The following PIEZO1 variants were observed in gnomAD, a reference collection of about 807,000 sequenced individuals.
PIEZO1 encodes the protein piezo-type mechanosensitive ion channel component 1.
A neutral mutation model predicts 297.2 loss-of-function variants in PIEZO1; 296 were observed. That is an observed-to-expected ratio of 1.00 (90% CI 0.91 to 1.10). The LOEUF (loss-of-function observed/expected upper bound fraction) is 1.10. PIEZO1 is among the 50% of genes least tolerant of loss of function. PIEZO1 has a pLI of 0.00. For missense variants in PIEZO1, 5,018 were observed against 3,455.5 expected (o/e 1.45, Z -11.34); for synonymous variants, 2,427 against 1,507.5 (o/e 1.61, Z -14.13).
At chr16:88,758,282 G>A (rs1906770147) in intron 1 of PIEZO1, among the ~76,000 whole-genome samples, 1 of 152,022 alleles carries the variant, frequency 6.6e-6, no homozygotes. Context: ...CCACCACTCT[G>A]GGTTAAGTGT....
intron 26 of PIEZO1, 43 bp from the exon 27 acceptor site, chr16:88,726,498 A>C: frequency 6.5e-7 from 1 of 1,546,648 alleles, no homozygotes; most frequent in Non-Finnish European, 8.7e-7. Context: ...AGGGCCCAGG[A>C]GCAGGGGGCT....
intron 5 of PIEZO1, chr16:88,739,950 T>C (rs530195233): frequency 6.6e-6 from 1 of 151,914 alleles, no homozygotes; most frequent in African/African-American, 2.4e-5. Context: ...AGAGAACAGG[T>C]GTGAGGCCAC....
rs561567538 is a variant in PIEZO1, at chr16:88,742,146, G to T, written c.284-51C>A. 2.5e-5 allele frequency: 39 copies of T among 1,530,774 alleles called. No individual in the cohort carries two copies. In the African/African-American group the frequency reaches 5.2e-4, roughly 20 times the overall value. 94.8% of individuals were successfully genotyped at this position (1,530,774 alleles called of 1,614,324 possible). A position where few individuals can be genotyped will look rare whatever the true frequency, so the allele number is the denominator to read the frequency against. On this transcript the variant is annotated intron_variant, in intron 3 of 50. Coordinates refer to ENST00000301015, the MANE Select transcript of PIEZO1 (RefSeq NM_001142864.4). ...GGTCAGGCTCTGCCCAGCCAGCACC[G>T]TGGCCTGGTCATCCCTGGAGCGTTT...
At position 88,715,940 on chromosome 16, in the gene PIEZO1, C is replaced by T. The variant is rs897196545; in HGVS notation, c.7309G>A (p.Gly2437Ser). The part of the protein sequence containing the change: ...VSPPSLGFLA[G>S]YGIMGLYVSI... ...CCCCAGCCACTCACTCACCCGTAGC[C>T]AGCCAGGAAGCCGAGGCTCGGTGGG... The change falls in exon 50 of 51, where the codon GGC becomes AGC. Residue 2437 changes from glycine (G) to serine (S), a missense_variant. Gly to Ser is a moderately conservative substitution (Grantham distance 56). Coordinates refer to ENST00000301015, the MANE Select transcript of PIEZO1 (RefSeq NM_001142864.4). 6.5e-7 allele frequency: 1 copy of T among 1,549,372 alleles called. No individual in the cohort carries two copies. The highest frequency in any genetic ancestry group is 1.4e-5 in the African/African-American group (1 of 73,138).
intron 1 of PIEZO1, among the ~76,000 whole-genome samples, chr16:88,778,564 C>T (rs1218572183): frequency 2.6e-5 from 4 of 152,178 alleles, no homozygotes; most frequent in South Asian, 4.1e-4. Flanking sequence ...CCACGCACGT[C>T]GGCCTAAGGG....
intron 12 of PIEZO1, 97 bp downstream of exon 12, chr16:88,736,051 C>T (rs553729992): frequency 9.0e-5 from 113 of 1,248,828 alleles, no homozygotes; most frequent in African/African-American, 4.5e-4. Flanking sequence ...GCCTTCTTGG[C>T]GCTGCCACTC....
At chr16:88,753,849 A>C (rs913072315) in intron 1 of PIEZO1, among the ~76,000 whole-genome samples, 2 of 152,218 alleles carry the variant, frequency 1.3e-5, no homozygotes, top group Non-Finnish European at 2.9e-5. Flanking sequence ...GACTGGCTCC[A>C]ACTCAGGGCA....
At chr16:88,761,177 G>A (rs113512923) in intron 1 of PIEZO1, among the ~76,000 whole-genome samples, 1 of 152,182 alleles carries the variant, frequency 6.6e-6, no homozygotes, top group Non-Finnish European at 1.5e-5. Context: ...TGGGGGAACT[G>A]TCTCTGCCCA....
chr16:88,725,929 A>C (rs1256509397), intron 27 of PIEZO1: 1 of 569,802 alleles, frequency 1.8e-6, no homozygotes, highest in Non-Finnish European at 3.1e-6. Context: ...AGCTGCAGGG[A>C]AGAAGGCAAA....
intron 1 of PIEZO1, among the ~76,000 whole-genome samples, chr16:88,774,545 C>G (rs1209409866): frequency 6.6e-6 from 1 of 152,202 alleles, no homozygotes; most frequent in East Asian, 1.9e-4. Flanking sequence ...GCCTGGGCAC[C>G]TCTGTATACC....
chr16:88,736,428 G>A lies in PIEZO1; in HGVS notation c.1297-20C>T, dbSNP rs1377009929. The A allele has an allele frequency of 6.5e-7, 1 of 1,529,134 alleles. No homozygotes were observed. The allele number at this position is 1,529,134 out of a possible 1,614,324, so 94.7% of individuals were successfully genotyped here. A position where few individuals can be genotyped will look rare whatever the true frequency, so the allele number is the denominator to read the frequency against. ...CCATACCTGCGCGGCAGAGAGGGCT[G>A]CACAGCTGCCCAGCGCACCCCACCC... On this transcript the variant is annotated intron_variant, in intron 11 of 50. Coordinates refer to ENST00000301015, the MANE Select transcript of PIEZO1 (RefSeq NM_001142864.4).
Position 88,736,784 on chromosome 16 carries a change from G to GC in PIEZO1, c.1196-46dup, listed in dbSNP as rs745324982. The GC allele has an allele frequency of 3.7e-4, 462 of 1,260,542 alleles. 3 individuals carry two copies. The highest frequency in any genetic ancestry group is 2.6e-3 in the African/African-American group (173 of 66,776). The allele number at this position is 1,260,542 out of a possible 1,614,324, so 78.1% of individuals were successfully genotyped here. A position where few individuals can be genotyped will look rare whatever the true frequency, so the allele number is the denominator to read the frequency against. On this transcript the variant is annotated intron_variant, in intron 10 of 50. Transcript: ENST00000301015. The stretch of plus-strand genomic sequence containing the variant: ...TCAGCTTCGGCAGGTTGATCTGCAG[G>GC]CCTCCCCACCCTGACTATGCCCTAA...
intron 22 of PIEZO1, among the ~76,000 whole-genome samples, chr16:88,730,555 G>A (rs561421484): frequency 2.7e-5 from 4 of 146,412 alleles, no homozygotes; most frequent in African/African-American, 5.2e-5. Context: ...CCGAGATTGT[G>A]CCAGTGTACT....
chr16:88,734,193 T>A, intron 16 of PIEZO1, 139 bp from the exon 17 acceptor site: 1 of 1,232,948 alleles, frequency 8.1e-7, no homozygotes, highest in African/African-American at 1.5e-5. Flanking sequence ...TCATGCCCAC[T>A]GTCCCTGTGA....
chr16:88,734,624 G>T (rs1435329843), intron 15 of PIEZO1, 26 bp downstream of exon 15: 7 of 1,549,682 alleles, frequency 4.5e-6, no homozygotes, highest in Non-Finnish European at 6.1e-6. Flanking sequence ...CGGCGCCCCT[G>T]CCCCACCGCC....
rs2142863086 is a variant in PIEZO1 at position 88,749,388 on chromosome 16, G to A, written c.156C>T (p.Leu52=). ...GGCAGGGTCCCCTGGCCTTACCTTG[G>A]AGGCCGCATCGGGTGGGGCCGGGGA... ...PWFPGPTRCG[L]QGHTGRLLRA... Residue 52 remains leucine, a synonymous_variant, in exon 2 of 51, where the codon CTC becomes CTT. Transcript: ENST00000301015. 1 of 1,499,434 alleles carries A rather than the reference G, an allele frequency of 6.7e-7. No individual in the cohort carries two copies. The highest frequency in any genetic ancestry group is 8.8e-7 in the Non-Finnish European group (1 of 1,132,024). 92.9% of individuals were successfully genotyped at this position (1,499,434 alleles called of 1,614,324 possible).
At chr16:88,754,700 A>C (rs1444289466) in intron 1 of PIEZO1, among the ~76,000 whole-genome samples, 1 of 152,178 alleles carries the variant, frequency 6.6e-6, no homozygotes, top group African/African-American at 2.4e-5. Context: ...GATTTTGAGC[A>C]GGGGGGCTCC....
intron 1 of PIEZO1, among the ~76,000 whole-genome samples, chr16:88,766,364 C>T (rs1907180227): frequency 6.6e-6 from 1 of 152,202 alleles, no homozygotes; most frequent in Non-Finnish European, 1.5e-5. Context: ...ACAGCCAGCG[C>T]GCCCTGCGAA....
chr16:88,756,287 C>T (rs565102533), intron 1 of PIEZO1, among the ~76,000 whole-genome samples: 47 of 152,274 alleles, frequency 3.1e-4, no homozygotes, highest in African/African-American at 1.1e-3. Flanking sequence ...AACCTGGGTG[C>T]CTAGAAGGAT....
Sources: gnomAD v4.1 joint callset for allele counts (sites outside exome capture counted in the v4.1 genomes callset) on GRCh38, gnomAD v4.1.1 for gene constraint, MANE v1.5 for transcripts, NCBI Gene and HGNC (gene_info 2026-07-23, HGNC 2026-07-21) for gene names.